Variants in ATRNL1 observed in about 807,000 individuals in gnomAD.
The protein encoded by ATRNL1 is attractin like 1.
Under a neutral mutation model 182.7 loss-of-function variants are expected in ATRNL1, and 95 were observed. The observed-to-expected ratio is 0.52, with a 90% CI of 0.44 to 0.62. The LOEUF (loss-of-function observed/expected upper bound fraction) is 0.62, where lower values mean the gene tolerates loss of function less well. Ranked by LOEUF, ATRNL1 falls within the 20% of genes least tolerant of loss-of-function variation. The pLI, the probability that ATRNL1 is intolerant of heterozygous loss-of-function variation, is 0.00. For missense variants in ATRNL1, 1,471 were observed against 1,679.5 expected (o/e 0.88, Z 2.17); for synonymous variants, 576 against 568.3 (o/e 1.01, Z -0.19).
intron 5 of ATRNL1, among the ~76,000 whole-genome samples, chr10:115,130,731 C>T (rs539350417): frequency 1.3e-4 from 20 of 152,016 alleles, no homozygotes; most frequent in African/African-American, 4.1e-4. Flanking sequence ...TCATTTCTGT[C>T]GTGAAACTAA....
At chr10:115,490,518 A>G (rs1033267643) in intron 24 of ATRNL1, among the ~76,000 whole-genome samples, 5 of 151,994 alleles carry the variant, frequency 3.3e-5, no homozygotes, top group African/African-American at 4.8e-5. Context: ...TGATTCAGCT[A>G]TTGATAGATG....
rs115162899 is a variant in ATRNL1 at position 115,160,074 on chromosome 10, G to A, written c.864G>A (p.Glu288=). The change falls in exon 6 of 29, where the codon GAG becomes GAA. Residue 288 remains glutamate (E), a synonymous_variant. Coordinates refer to ENST00000355044, the MANE Select transcript of ATRNL1 (RefSeq NM_207303.4). ...GTTCTTTGAATGTTCCCTCTACTGA[G>A]TCTTACTGGATTCTGCCAAACGTTA... ...PDCSLNVPST[E]SYWILPNVKP... The A allele has an allele frequency of 1.1e-4, 179 of 1,611,338 alleles. No homozygotes were observed. The African/African-American group carries it at 2.2e-3, about 20-fold the overall frequency.
chr10:115,683,151 A>C (rs1555045258), intron 26 of ATRNL1, among the ~76,000 whole-genome samples: 4 of 152,216 alleles, frequency 2.6e-5, no homozygotes, highest in African/African-American at 9.6e-5. Flanking sequence ...TATGGATATT[A>C]TGTATTAAAT....
intron 28 of ATRNL1, among the ~76,000 whole-genome samples, chr10:115,905,097 A>G (rs1952461425): frequency 1.3e-5 from 2 of 152,208 alleles, no homozygotes; most frequent in African/African-American, 4.8e-5. Flanking sequence ...CACTTACCCA[A>G]ACGAGAAAGT....
rs1483381241 is a variant in ATRNL1 at position 115,946,086 on chromosome 10, C to T, written c.*1307C>T. 6.6e-6 allele frequency: 1 copy of T among 152,190 alleles called. No homozygotes were observed. The highest frequency in any genetic ancestry group is 2.4e-5 in the African/African-American group (1 of 41,444). 9.4% of individuals were successfully genotyped at this position (152,190 alleles called of 1,614,324 possible). Reference sequence around the variant, plus strand: ...AGATATAGTTTGGAATTGCAGTTTCCTCACTTCAGGGTGACAAGATATGTA... The same window carrying T: ...AGATATAGTTTGGAATTGCAGTTTCTTCACTTCAGGGTGACAAGATATGTA... On this transcript the variant is annotated 3_prime_UTR_variant, in exon 29 of 29. Coordinates refer to ENST00000355044, the MANE Select transcript of ATRNL1 (RefSeq NM_207303.4).
chr10:115,224,908 C>G (rs1388298930), intron 9 of ATRNL1, among the ~76,000 whole-genome samples: 1 of 151,982 alleles, frequency 6.6e-6, no homozygotes, highest in Non-Finnish European at 1.5e-5. Context: ...TTCTCCAGGC[C>G]GTGATCACTT....
chr10:115,689,932 C>T (rs1440255131), intron 26 of ATRNL1, among the ~76,000 whole-genome samples: 1 of 152,180 alleles, frequency 6.6e-6, no homozygotes, highest in African/African-American at 2.4e-5. Context: ...CCAGTGGCAG[C>T]AGCAATGGCT....
chr10:115,715,653 C>T (rs10885787), intron 26 of ATRNL1, among the ~76,000 whole-genome samples: 56,821 of 151,982 alleles, frequency 0.37, 11,473 homozygotes, highest in East Asian at 0.59. Context: ...AAAGAGAATT[C>T]TGCACTCAAT....
chr10:115,591,067 C>T, intron 26 of ATRNL1, among the ~76,000 whole-genome samples: 1 of 152,128 alleles, frequency 6.6e-6, no homozygotes, highest in East Asian at 1.9e-4. Context: ...GTTCTAGGTA[C>T]CACTGTACTA....
At chr10:115,487,237 A>G (rs1849070424) in intron 24 of ATRNL1, among the ~76,000 whole-genome samples, 1 of 152,162 alleles carries the variant, frequency 6.6e-6, no homozygotes, top group African/African-American at 2.4e-5. Context: ...TTTTAGTCCC[A>G]TATGAAATTT....
At chr10:115,274,223 T>C (rs1261284450) in intron 13 of ATRNL1, among the ~76,000 whole-genome samples, 2 of 152,204 alleles carry the variant, frequency 1.3e-5, no homozygotes. Flanking sequence ...GCTTGTATAG[T>C]ACTCTGGACC....
At chr10:115,526,555 G>A (rs1182781776) in intron 25 of ATRNL1, among the ~76,000 whole-genome samples, 1 of 152,096 alleles carries the variant, frequency 6.6e-6, no homozygotes, top group Non-Finnish European at 1.5e-5. Flanking sequence ...GTCACCACTG[G>A]TGAAATCCAG....
intron 27 of ATRNL1, among the ~76,000 whole-genome samples, chr10:115,832,341 C>T (rs555216066): frequency 6.6e-6 from 1 of 152,324 alleles, no homozygotes; most frequent in Admixed American, 6.5e-5. Flanking sequence ...CCTGCAGAGG[C>T]TCCACCAACC....
At chr10:115,757,645 GCTCTT>G (rs1948625467) in intron 27 of ATRNL1, among the ~76,000 whole-genome samples, 1 of 152,052 alleles carries the variant, frequency 6.6e-6, no homozygotes, top group Non-Finnish European at 1.5e-5. Flanking sequence ...TCTTTGGGTT[GCTCTT>G]CTCAAGGAAT....
intron 24 of ATRNL1, among the ~76,000 whole-genome samples, chr10:115,475,939 C>G (rs568815499): frequency 6.6e-6 from 1 of 151,332 alleles, no homozygotes; most frequent in Non-Finnish European, 1.5e-5. Context: ...ATTATAACTG[C>G]TCATCATAAC....
rs574823145 is a variant in ATRNL1, at chr10:115,095,187, A to C, written c.293+1144A>C. Among the ~76,000 whole-genome samples the C allele has an allele frequency of 1.2e-3, 190 of 152,172 alleles. 1 individual carries two copies. The highest frequency in any genetic ancestry group is 4.4e-3 in the African/African-American group (182 of 41,508). On this transcript the variant is annotated intron_variant, in intron 1 of 28. Transcript: ENST00000355044. ...CTTAGTCTTCTAGATACTTAATATGAAGTTTGCTGGCTGGTTTGTGGCTCT... is the reference window on the plus strand; with the variant it reads ...CTTAGTCTTCTAGATACTTAATATGCAGTTTGCTGGCTGGTTTGTGGCTCT...
intron 24 of ATRNL1, among the ~76,000 whole-genome samples, chr10:115,476,271 G>T (rs769065340): frequency 2.6e-5 from 4 of 151,308 alleles, no homozygotes; most frequent in Non-Finnish European, 5.9e-5. Flanking sequence ...TATGGTCAGA[G>T]AAAAACTATG....
intron 28 of ATRNL1, among the ~76,000 whole-genome samples, chr10:115,865,239 G>T (rs115503246): frequency 0.018 from 2,679 of 152,152 alleles, 88 homozygotes; most frequent in African/African-American, 0.061. Flanking sequence ...TATTAATGTT[G>T]ATTTTCCAGT....
intron 10 of ATRNL1, among the ~76,000 whole-genome samples, chr10:115,259,970 G>T (rs938132599): frequency 7.2e-5 from 11 of 152,168 alleles, no homozygotes; most frequent in African/African-American, 2.7e-4. Flanking sequence ...TCTATCAAAA[G>T]TATTGTATGT....
Sources: allele counts gnomAD v4.1 joint callset (sites outside exome capture counted in the v4.1 genomes callset), GRCh38; gene constraint gnomAD v4.1.1; transcripts MANE v1.5; gene names NCBI Gene and HGNC (gene_info 2026-07-23, HGNC 2026-07-21).